The following FPR3 variants were observed in gnomAD, a reference collection of about 807,000 sequenced individuals.
The protein encoded by FPR3 is formyl peptide receptor 3.
For synonymous variants in FPR3, 135 were observed against 163.6 expected (o/e 0.83, Z 1.34); for missense variants, 346 against 443.2 (o/e 0.78, Z 1.97).
Position 51,824,437 on chromosome 19 carries a change from G to A in FPR3, c.689G>A (p.Arg230Lys), listed in dbSNP as rs184762746. ...GGGATCATCGCTGCCAAAATTCACAGAAACCACATGATTAAATCCAGCCGT... is the reference window on the plus strand; with the variant it reads ...GGGATCATCGCTGCCAAAATTCACAAAAACCACATGATTAAATCCAGCCGT... Reference protein sequence around the residue: ...CYGIIAAKIHRNHMIKSSRPL... With the variant: ...CYGIIAAKIHKNHMIKSSRPL... The change falls in exon 2 of 2, where the codon AGA (arginine) becomes AAA (lysine). Residue 230 changes from arginine (R) to lysine (K), a missense_variant. Arg to Lys is a conservative substitution (Grantham distance 26). Transcript: ENST00000339223. This position sits in a 1 kb window ranked among gnomAD's most constrained non-coding sequence, Gnocchi z 4.7. 3.1e-6 allele frequency: 5 copies of A among 1,614,042 alleles called. No homozygotes were observed. The Admixed American group carries it at 8.3e-5, about 27-fold the overall frequency.
At chr19:51,807,549 T>C (rs372936354) in intron 1 of FPR3, among the ~76,000 whole-genome samples, 2 of 152,164 alleles carry the variant, frequency 1.3e-5, no homozygotes, top group African/African-American at 4.8e-5. Context: ...GCTCTGAGCA[T>C]TGACCTGAAA....
intron 1 of FPR3, 131 bp from the exon 2 acceptor site, chr19:51,823,608 G>A (rs2084206668): frequency 2.8e-6 from 2 of 709,788 alleles, no homozygotes; most frequent in Admixed American, 6.0e-5. Flanking sequence ...CCAATTTTAT[G>A]TTATAACCAT....
At chr19:51,808,627 A>C (rs1251628749) in intron 1 of FPR3, among the ~76,000 whole-genome samples, 2 of 152,206 alleles carry the variant, frequency 1.3e-5, no homozygotes, top group African/African-American at 4.8e-5. Flanking sequence ...AATGCAAATC[A>C]AGGCTTATCC....
intron 1 of FPR3, among the ~76,000 whole-genome samples, chr19:51,808,735 G>A (rs1411655508): frequency 3.3e-5 from 5 of 152,226 alleles, no homozygotes; most frequent in Admixed American, 2.6e-4. Flanking sequence ...GAAAGTTTTT[G>A]TAAGGCACCC....
intron 1 of FPR3, among the ~76,000 whole-genome samples, chr19:51,797,477 T>A (rs563474167): frequency 6.6e-6 from 1 of 152,260 alleles, no homozygotes; most frequent in South Asian, 2.1e-4. Flanking sequence ...CAATTTTCAA[T>A]TTTTTTGGTA....
At position 51,824,820 on chromosome 19, in the gene FPR3, T is replaced by A; in HGVS notation, c.*10T>A. 6.3e-7 allele frequency: 1 copy of A among 1,594,786 alleles called. No homozygotes were observed. The highest frequency in any genetic ancestry group is 1.1e-5 in the South Asian group (1 of 88,896). Reference sequence around the variant, plus strand: ...GTTACAAGCAATGTGAGGTCGGGGATATTTTTGGGCTCTGTCTCTTTCTAC... The same window carrying A: ...GTTACAAGCAATGTGAGGTCGGGGAAATTTTTGGGCTCTGTCTCTTTCTAC... On this transcript the variant is annotated 3_prime_UTR_variant, in exon 2 of 2. Coordinates refer to ENST00000339223, the MANE Select transcript of FPR3 (RefSeq NM_002030.5). This position sits in a 1 kb window ranked among gnomAD's most constrained non-coding sequence, Gnocchi z 4.7.
chr19:51,799,083 G>C (rs2084015290), intron 1 of FPR3, among the ~76,000 whole-genome samples: 1 of 152,142 alleles, frequency 6.6e-6, no homozygotes, highest in Admixed American at 6.5e-5. Flanking sequence ...GTCCAGCTGG[G>C]TGACAGAGGA....
At chr19:51,805,806 A>C (rs1025533980) in intron 1 of FPR3, among the ~76,000 whole-genome samples, 11 of 152,172 alleles carry the variant, frequency 7.2e-5, no homozygotes, top group Non-Finnish European at 1.3e-4. Context: ...GATAGCAAAA[A>C]TTATCATGCC....
chr19:51,821,856 T>G (rs2084192415), intron 1 of FPR3, among the ~76,000 whole-genome samples: 2 of 151,912 alleles, frequency 1.3e-5, no homozygotes, highest in Non-Finnish European at 2.9e-5. Context: ...CTGCCCACAA[T>G]GTTATTATGA....
At chr19:51,813,119 AACACACACACACACACACACACACAC>A (rs35245083) in intron 1 of FPR3, among the ~76,000 whole-genome samples, 2 of 137,122 alleles carry the variant, frequency 1.5e-5, no homozygotes, top group Non-Finnish European at 3.2e-5. Flanking sequence ...GCTCTGTCTC[AACACACACACACACACACACACACAC>A]ACACACACAC....
intron 1 of FPR3, among the ~76,000 whole-genome samples, chr19:51,808,643 G>A (rs2084076670): frequency 6.6e-6 from 1 of 152,134 alleles, no homozygotes. Flanking sequence ...TATCCTTCTC[G>A]TGTAAGGGTG....
In FPR3 at chr19:51,824,172, G is replaced by A. The variant is rs774077280; in HGVS notation, c.424G>A (p.Ala142Thr). Residue 142 changes from alanine to threonine, a missense_variant, in exon 2 of 2, where the codon GCC (alanine) becomes ACC (threonine). Transcript: ENST00000339223. The surrounding 1 kb of genome is among the most constrained non-coding windows in gnomAD (Gnocchi z 4.7). ...CCAGAACCATCGCACCATGAGTCTG[G>A]CCAAGAGGGTGATGACGGGACTCTG... The part of the protein sequence containing the change: ...WAQNHRTMSL[A>T]KRVMTGLWIF... 1 of 1,614,124 alleles carries A rather than the reference G, an allele frequency of 6.2e-7. No homozygotes were observed. Among genetic ancestry groups the A allele is most frequent in the African/African-American group, 1.3e-5 (1 of 75,042 alleles).
At position 51,824,118 on chromosome 19, in the gene FPR3, T is replaced by A. The variant is rs1452241960; in HGVS notation, c.370T>A (p.Cys124Ser). 4 of 1,613,926 alleles carry A rather than the reference T, an allele frequency of 2.5e-6. No homozygotes were observed. The highest frequency in any genetic ancestry group is 1.3e-5 in the African/African-American group (1 of 74,940). The change falls in exon 2 of 2, where the codon TGT (cysteine) becomes AGT (serine). Residue 124 changes from cysteine (C) to serine (S), a missense_variant. By Grantham distance (112) the Cys-to-Ser change is moderately radical. Transcript: ENST00000339223. The surrounding 1 kb of genome is among the most constrained non-coding windows in gnomAD (Gnocchi z 4.7). ...YLITIIALDR[C>S]ICVLHPAWAQ... is the part of the protein sequence containing the mutation. ...GATCACCATCATTGCTCTGGACCGCTGTATTTGTGTCCTGCATCCAGCCTG... is the reference window on the plus strand; with the variant it reads ...GATCACCATCATTGCTCTGGACCGCAGTATTTGTGTCCTGCATCCAGCCTG...
At chr19:51,800,202 G>T (rs2084020430) in intron 1 of FPR3, among the ~76,000 whole-genome samples, 1 of 152,224 alleles carries the variant, frequency 6.6e-6, no homozygotes, top group South Asian at 2.1e-4. Context: ...CTCCTTGGTT[G>T]CTGCATTCCT....
At chr19:51,813,052 G>C (rs1188027245) in intron 1 of FPR3, among the ~76,000 whole-genome samples, 1 of 151,708 alleles carries the variant, frequency 6.6e-6, no homozygotes, top group African/African-American at 2.4e-5. Flanking sequence ...CCTGGAGATG[G>C]AGGTTGCAAT....
chr19:51,816,862 G>C (rs10422101), intron 1 of FPR3, among the ~76,000 whole-genome samples: 37,750 of 152,130 alleles, frequency 0.25, 4,932 homozygotes, highest in Middle Eastern at 0.35. Context: ...TTGGAAAAAA[G>C]CCCACACATA....
chr19:51,801,954 T>G (rs994270662), intron 1 of FPR3, among the ~76,000 whole-genome samples: 4 of 152,146 alleles, frequency 2.6e-5, no homozygotes, highest in Admixed American at 1.3e-4. Flanking sequence ...ATATTCTATG[T>G]TGGACATAGA....
intron 1 of FPR3, among the ~76,000 whole-genome samples, chr19:51,809,276 T>A (rs1270981016): frequency 2.0e-5 from 3 of 152,252 alleles, no homozygotes; most frequent in African/African-American, 7.2e-5. Flanking sequence ...CAGTGCTCTG[T>A]TGAACACTTT....
chr19:51,823,329 G>A (rs1166080341), intron 1 of FPR3, among the ~76,000 whole-genome samples: 2 of 152,158 alleles, frequency 1.3e-5, no homozygotes, highest in African/African-American at 2.4e-5. Flanking sequence ...GCATGGGGCC[G>A]AAAGAAGTTG....
Sources: allele counts gnomAD v4.1 joint callset (sites outside exome capture counted in the v4.1 genomes callset), GRCh38; gene constraint gnomAD v4.1.1; non-coding constraint Gnocchi (gnomAD v3.1); transcripts MANE v1.5; gene names NCBI Gene and HGNC (gene_info 2026-07-23, HGNC 2026-07-21).